The following SUPT3H variants were observed in gnomAD, a reference collection of about 807,000 sequenced individuals.
SUPT3H encodes the protein SPT3 homolog, SAGA and STAGA complex component.
A neutral mutation model predicts 44.3 loss-of-function variants in SUPT3H; 44 were observed. The observed-to-expected ratio is 0.99, with a 90% CI of 0.78 to 1.28. SUPT3H has a LOEUF of 1.28. SUPT3H is among the 50% of genes most tolerant of loss of function. SUPT3H has a pLI of 0.00. For synonymous variants in SUPT3H, 124 were observed against 125.6 expected (o/e 0.99, Z 0.09); for missense variants, 380 against 387.1 (o/e 0.98, Z 0.15).
At chr6:44,882,584 A>G (rs1582187951) in intron 10 of SUPT3H, among the ~76,000 whole-genome samples, 1 of 152,184 alleles carries the variant, frequency 6.6e-6, no homozygotes, top group Non-Finnish European at 1.5e-5. Flanking sequence ...CACAACAAAT[A>G]AAGAAAATTT....
chr6:45,340,149 C>T (rs1789451633), intron 2 of SUPT3H, among the ~76,000 whole-genome samples: 1 of 152,128 alleles, frequency 6.6e-6, no homozygotes, highest in Non-Finnish European at 1.5e-5. Context: ...GGTGTTAGTT[C>T]TCAGAAACAT....
intron 2 of SUPT3H, among the ~76,000 whole-genome samples, chr6:45,185,813 C>A (rs982246377): frequency 2.0e-5 from 3 of 152,188 alleles, no homozygotes; most frequent in Non-Finnish European, 4.4e-5. Flanking sequence ...TTCATGCTGA[C>A]AGACTGAAGA....
intron 11 of SUPT3H, among the ~76,000 whole-genome samples, chr6:44,816,264 C>T (rs1766904523): frequency 6.6e-6 from 1 of 151,948 alleles, no homozygotes; most frequent in African/African-American, 2.4e-5. Flanking sequence ...AAACAAATTG[C>T]CAATCTTAGG....
At chr6:45,322,556 C>A (rs993660788) in intron 2 of SUPT3H, among the ~76,000 whole-genome samples, 7 of 151,884 alleles carry the variant, frequency 4.6e-5, no homozygotes, top group Non-Finnish European at 1.0e-4. Context: ...AGTATTCTAG[C>A]GCTTCATTTT....
Position 45,014,888 on chromosome 6 carries a change from T to TTTTCTATTATA in SUPT3H, c.276_277insTATAATAGAAA (p.Lys93TyrfsTer10). Reference sequence around the variant, plus strand: ...ATGTATTTTAGCAGTCTTCTAAGTTTTTTCTATTAAAAATATAAAATAAGT... The same window carrying TTTTCTATTATA: ...ATGTATTTTAGCAGTCTTCTAAGTTTTTTCTATTATATTTCTATTAAAAATATAAAATAAGT... On this transcript the variant is annotated frameshift_variant, in exon 5 of 11. Coordinates refer to ENST00000371459, the MANE Select transcript of SUPT3H (RefSeq NM_003599.4). LOFTEE classifies it high-confidence loss of function. 6.5e-7 allele frequency: 1 copy of TTTTCTATTATA among 1,533,100 alleles called. No individual in the cohort carries two copies. The highest frequency in any genetic ancestry group is 1.4e-5 in the African/African-American group (1 of 71,308). 95.0% of individuals were successfully genotyped at this position (1,533,100 alleles called of 1,614,324 possible).
intron 10 of SUPT3H, among the ~76,000 whole-genome samples, chr6:44,836,150 A>G (rs1769832933): frequency 6.6e-6 from 1 of 152,188 alleles, no homozygotes; most frequent in Non-Finnish European, 1.5e-5. Flanking sequence ...TCTTAAAATC[A>G]AAGTGGGAAT....
chr6:45,046,353 TG>T (rs1789396274), intron 3 of SUPT3H, among the ~76,000 whole-genome samples: 1 of 152,074 alleles, frequency 6.6e-6, no homozygotes, highest in South Asian at 2.1e-4. Context: ...TGTTTTGAGA[TG>T]GAGTCTTACT....
chr6:45,054,989 T>G (rs1790888856), intron 3 of SUPT3H, among the ~76,000 whole-genome samples: 1 of 152,106 alleles, frequency 6.6e-6, no homozygotes, highest in Non-Finnish European at 1.5e-5. Flanking sequence ...AAAGCCATGT[T>G]TAAGCATAAT....
At chr6:44,822,115 T>A (rs1308959793), downstream of SUPT3H, among the ~76,000 whole-genome samples, 1 of 152,234 alleles carries the variant, frequency 6.6e-6, no homozygotes, top group African/African-American at 2.4e-5. Context: ...AATCTACAGA[T>A]AATTTAATCT....
chr6:45,115,230 G>A (rs1355533077), intron 2 of SUPT3H, among the ~76,000 whole-genome samples: 1 of 152,086 alleles, frequency 6.6e-6, no homozygotes, highest in Non-Finnish European at 1.5e-5. Flanking sequence ...TACCCGGGGA[G>A]TCAGCAACAG....
chr6:44,858,063 T>TA (rs1774034222), intron 10 of SUPT3H, among the ~76,000 whole-genome samples: 1 of 152,172 alleles, frequency 6.6e-6, no homozygotes, highest in Non-Finnish European at 1.5e-5. Flanking sequence ...CCCTGATCAT[T>TA]AAGACAAAAT....
At chr6:45,348,504 T>C (rs1321692395) in intron 2 of SUPT3H, among the ~76,000 whole-genome samples, 1 of 30,542 alleles carries the variant, frequency 3.3e-5, no homozygotes, top group African/African-American at 1.8e-4. Flanking sequence ...CCGTCTCTAC[T>C]AAAAATACAA....
chr6:44,920,784 C>T (rs181311755), intron 10 of SUPT3H, among the ~76,000 whole-genome samples: 13 of 152,276 alleles, frequency 8.5e-5, no homozygotes, highest in Admixed American at 6.5e-4. Flanking sequence ...TTCATCTCAT[C>T]TCAACGTACT....
chr6:44,858,617 T>G (rs990659200), intron 10 of SUPT3H, among the ~76,000 whole-genome samples: 6 of 152,200 alleles, frequency 3.9e-5, no homozygotes, highest in Admixed American at 3.3e-4. Context: ...CAATTGGGTT[T>G]GACCTACATA....
At chr6:45,352,069 A>G (rs1369836697) in intron 2 of SUPT3H, among the ~76,000 whole-genome samples, 1 of 152,176 alleles carries the variant, frequency 6.6e-6, no homozygotes, top group African/African-American at 2.4e-5. Flanking sequence ...CCTTAAAATG[A>G]TATGAATGGT....
intron 2 of SUPT3H, among the ~76,000 whole-genome samples, chr6:45,288,595 ATGTG>A (rs60796344): frequency 0.24 from 14,676 of 61,772 alleles, 1,436 homozygotes; most frequent in South Asian, 0.34. Flanking sequence ...ATATATATAT[ATGTG>A]TATATATATA....
chr6:45,201,071 G>T (rs1414145379), intron 2 of SUPT3H, among the ~76,000 whole-genome samples: 2 of 151,444 alleles, frequency 1.3e-5, no homozygotes, highest in Admixed American at 6.6e-5. Flanking sequence ...ATTTTCTGAT[G>T]ATTAGTAACT....
chr6:45,280,882 A>C (rs1314839591), intron 2 of SUPT3H, among the ~76,000 whole-genome samples: 1 of 152,230 alleles, frequency 6.6e-6, no homozygotes, highest in Non-Finnish European at 1.5e-5. Flanking sequence ...AAATATTTAA[A>C]ACTTCCTAAA....
chr6:45,052,497 C>T (rs1266200483), intron 3 of SUPT3H, among the ~76,000 whole-genome samples: 1 of 152,066 alleles, frequency 6.6e-6, no homozygotes, highest in Non-Finnish European at 1.5e-5. Flanking sequence ...GCAAAAAATC[C>T]AGTCATACAA....
Sources: gnomAD v4.1 joint callset for allele counts (sites outside exome capture counted in the v4.1 genomes callset) on GRCh38, gnomAD v4.1.1 for gene constraint, MANE v1.5 for transcripts, NCBI Gene and HGNC (gene_info 2026-07-23, HGNC 2026-07-21) for gene names.